DSCAM: variants seen among roughly 807,000 people sequenced by gnomAD.
DSCAM encodes the protein cell adhesion molecule DSCAM.
DSCAM carries 47 observed loss-of-function variants against 217.7 expected under a neutral mutation model. The observed-to-expected ratio is 0.22, with a 90% confidence interval of 0.17 to 0.28. DSCAM has a LOEUF of 0.28. Ranked by LOEUF, DSCAM falls within the 10% of genes least tolerant of loss-of-function variation. The pLI is 1.00. For missense variants in DSCAM, 2,080 were observed against 2,618.3 expected (o/e 0.79, Z 4.49); for synonymous variants, 1,056 against 1,015.3 (o/e 1.04, Z -0.76).
intron 11 of DSCAM, among the ~76,000 whole-genome samples, chr21:40,210,671 A>C (rs2091173178): frequency 6.6e-6 from 1 of 152,186 alleles, no homozygotes; most frequent in Non-Finnish European, 1.5e-5. Flanking sequence ...CAGCCTCCCC[A>C]GTAGCTGGGA....
intron 10 of DSCAM, among the ~76,000 whole-genome samples, chr21:40,285,528 G>C (rs2123412828): frequency 6.6e-6 from 1 of 152,296 alleles, no homozygotes; most frequent in Non-Finnish European, 1.5e-5. Flanking sequence ...ATGCTGATTA[G>C]GGTAGCACAG....
At chr21:40,224,461 T>A (rs1207141403) in intron 11 of DSCAM, among the ~76,000 whole-genome samples, 1 of 152,226 alleles carries the variant, frequency 6.6e-6, no homozygotes. Flanking sequence ...AATATGCTTA[T>A]CTTTCACATT....
intron 1 of DSCAM, among the ~76,000 whole-genome samples, chr21:40,811,526 C>T (rs571589456): frequency 5.9e-5 from 9 of 152,268 alleles, no homozygotes; most frequent in Non-Finnish European, 1.0e-4. Flanking sequence ...CATCAATGGG[C>T]GCACGTGGAG....
intron 11 of DSCAM, among the ~76,000 whole-genome samples, chr21:40,234,708 A>T (rs377114204): frequency 1.5e-4 from 23 of 152,186 alleles, no homozygotes; most frequent in South Asian, 1.0e-3. Context: ...TTCCTGGTAC[A>T]TTTAAATGCA....
intron 3 of DSCAM, among the ~76,000 whole-genome samples, chr21:40,371,088 A>G (rs562108971): frequency 6.6e-6 from 1 of 152,234 alleles, no homozygotes; most frequent in Non-Finnish European, 1.5e-5. Flanking sequence ...GGTAGTATAA[A>G]ATATCTTTAA....
At chr21:40,818,102 CAAAAAAA>C (rs35894315) in intron 1 of DSCAM, among the ~76,000 whole-genome samples, 43 of 52,248 alleles carry the variant, frequency 8.2e-4, no homozygotes, top group African/African-American at 3.5e-3. Flanking sequence ...GACTCCGTCT[CAAAAAAA>C]AAAAAAAAAA....
intron 3 of DSCAM, among the ~76,000 whole-genome samples, chr21:40,528,898 CT>C (rs911356584): frequency 0.032 from 3,192 of 99,356 alleles, 109 homozygotes; most frequent in African/African-American, 0.12. Flanking sequence ...AGGCTTTCCA[CT>C]TTTTTTTTTT....
At chr21:40,338,421 T>C in intron 7 of DSCAM, 45 bp from the exon 8 acceptor site, 1 of 1,574,698 alleles carries the variant, frequency 6.4e-7, no homozygotes, top group Non-Finnish European at 8.7e-7. Flanking sequence ...TAAGGGTACA[T>C]CTCATGTAGG....
chr21:40,565,900 C>T (rs2076760441), intron 3 of DSCAM, among the ~76,000 whole-genome samples: 1 of 152,142 alleles, frequency 6.6e-6, no homozygotes, highest in African/African-American at 2.4e-5. Context: ...TGCAGGTCCC[C>T]CAGCATGAAC....
At chr21:40,344,467 C>T (rs981853165) in intron 6 of DSCAM, among the ~76,000 whole-genome samples, 1 of 152,136 alleles carries the variant, frequency 6.6e-6, no homozygotes, top group African/African-American at 2.4e-5. Flanking sequence ...CTCTTTATTA[C>T]TGAAAATATC....
At chr21:40,051,777 A>G (rs757334067) in intron 30 of DSCAM, among the ~76,000 whole-genome samples, 181 bp downstream of exon 30, 1 of 152,238 alleles carries the variant, frequency 6.6e-6, no homozygotes, top group Non-Finnish European at 1.5e-5. Flanking sequence ...TTCAACTGAC[A>G]TAATAATAGC....
At chr21:40,822,240 A>T (rs1422390010) in intron 1 of DSCAM, among the ~76,000 whole-genome samples, 1 of 144,486 alleles carries the variant, frequency 6.9e-6, no homozygotes, top group East Asian at 2.1e-4. Context: ...AATCACTTGA[A>T]CCCGGGAAGC....
At chr21:40,278,312 A>T (rs974783593) in intron 10 of DSCAM, among the ~76,000 whole-genome samples, 1 of 152,204 alleles carries the variant, frequency 6.6e-6, no homozygotes, top group African/African-American at 2.4e-5. Flanking sequence ...CTTTCTGTAA[A>T]GGCCAGAGAG....
intron 2 of DSCAM, among the ~76,000 whole-genome samples, chr21:40,701,362 A>T (rs1348115270): frequency 6.6e-6 from 1 of 152,010 alleles, no homozygotes; most frequent in Non-Finnish European, 1.5e-5. Flanking sequence ...AATTTTAACA[A>T]TTTTTTTAAA....
chr21:40,686,889 T>C (rs978864416), intron 3 of DSCAM, among the ~76,000 whole-genome samples: 3 of 152,192 alleles, frequency 2.0e-5, no homozygotes, highest in East Asian at 1.9e-4. Context: ...TAGTGAGCGA[T>C]AGACTTAAAT....
chr21:40,612,969 C>T (rs2089336046), intron 3 of DSCAM, among the ~76,000 whole-genome samples: 1 of 152,116 alleles, frequency 6.6e-6, no homozygotes, highest in Non-Finnish European at 1.5e-5. Flanking sequence ...TGTCCCTTTA[C>T]TGTCTTTCCC....
At chr21:40,284,676 CG>C (rs957165892) in intron 10 of DSCAM, among the ~76,000 whole-genome samples, 5 of 152,256 alleles carry the variant, frequency 3.3e-5, no homozygotes, top group African/African-American at 1.2e-4. Context: ...TTAGCAGTGA[CG>C]GGAGAAGCAT....
chr21:40,019,165 T>C (rs528004256), intron 32 of DSCAM, among the ~76,000 whole-genome samples: 1 of 152,360 alleles, frequency 6.6e-6, no homozygotes, highest in East Asian at 1.9e-4. Flanking sequence ...TGTCCTCCTA[T>C]ATGCTTAAGA....
chr21:40,514,012 T>C (rs758963907), intron 3 of DSCAM, among the ~76,000 whole-genome samples: 38 of 152,160 alleles, frequency 2.5e-4, no homozygotes, highest in Non-Finnish European at 4.4e-4. Context: ...CAGTGACAGA[T>C]TGCATACAGA....
Sources: gnomAD v4.1 joint callset for allele counts (sites outside exome capture counted in the v4.1 genomes callset) on GRCh38, gnomAD v4.1.1 for gene constraint, MANE v1.5 for transcripts, NCBI Gene and HGNC (gene_info 2026-07-23, HGNC 2026-07-21) for gene names.